The following SAMD5 variants were observed in gnomAD, a reference collection of about 807,000 sequenced individuals.
SAMD5 encodes the protein sterile alpha motif domain containing 5, also known as sterile alpha motif domain-containing protein 5.
In SAMD5, 13 loss-of-function variants were observed where a neutral mutation model predicts 11.3. The ratio of observed to expected loss-of-function variants is 1.15; its 90% CI spans 0.75 to 1.83. The LOEUF is 1.83. Ranked by LOEUF, SAMD5 falls within the 40% of genes most tolerant of loss-of-function variation. SAMD5 has a pLI of 0.00. For missense variants in SAMD5, 255 were observed against 239.1 expected, an observed-to-expected ratio of 1.07 and a Z score of -0.44; for synonymous variants, 129 against 111.3, an observed-to-expected ratio of 1.16 and a Z score of -1.00.
the SAMD5 span, among the ~76,000 whole-genome samples, chr6:147,840,068 T>C: frequency 5.4e-4 from 83 of 152,362 alleles, 1 homozygote; most frequent in South Asian, 1.9e-3. Flanking sequence ...ATGTTCCTTT[T>C]CATGATGAGC....
At chr6:147,851,228 G>T in the SAMD5 span, among the ~76,000 whole-genome samples, 1 of 152,192 alleles carries the variant, frequency 6.6e-6, no homozygotes, top group Admixed American at 6.5e-5. Context: ...ACAGGCGTGA[G>T]CCACTGCGCC....
the SAMD5 span, among the ~76,000 whole-genome samples, chr6:147,875,666 C>A: frequency 6.6e-6 from 1 of 152,036 alleles, no homozygotes; most frequent in East Asian, 1.9e-4. Flanking sequence ...CTCGCAAAAC[C>A]GCCTGAGCTC....
intron 1 of SAMD5, among the ~76,000 whole-genome samples, chr6:147,538,570 C>A (rs574490371): frequency 6.6e-6 from 1 of 152,132 alleles, no homozygotes; most frequent in African/African-American, 2.4e-5. Context: ...GATCCTAGGA[C>A]GTCAGACAGA....
chr6:147,604,530 G>T (rs371848165), intron 1 of SAMD5, among the ~76,000 whole-genome samples: 2 of 152,146 alleles, frequency 1.3e-5, no homozygotes, highest in South Asian at 2.1e-4. Flanking sequence ...TTTGAAACAC[G>T]TGAGCCCATG....
intron 1 of SAMD5, among the ~76,000 whole-genome samples, chr6:147,549,168 A>T (rs995256105): frequency 6.6e-6 from 1 of 152,234 alleles, no homozygotes. Flanking sequence ...CTGAAGCAGA[A>T]CTGGCCCATC....
the SAMD5 span, among the ~76,000 whole-genome samples, chr6:147,877,726 G>C: frequency 6.6e-6 from 1 of 151,900 alleles, no homozygotes; most frequent in Admixed American, 6.6e-5. Context: ...TGTGCAAGAA[G>C]AAAGGAATTC....
In SAMD5 at chr6:147,509,209, G is replaced by T; in HGVS notation, c.281G>T (p.Arg94Leu). The change falls in exon 1 of 2, where the codon CGC becomes CTC. Residue 94 changes from arginine (R) to leucine (L), a missense_variant. Physicochemically the swap from Arg to Leu is moderately radical, Grantham distance 102. Coordinates refer to ENST00000367474, the MANE Select transcript of SAMD5 (RefSeq NM_001030060.3). The stretch of plus-strand genomic sequence containing the variant: ...CCCGCCGACGCCGTCCCCACCGGCC[G>T]CCGGGGGGAGCCGTGCGGCGGCCCG... The part of the protein sequence containing the change: ...GPPADAVPTG[R>L]RGEPCGGPAQ... The T allele has an allele frequency of 1.5e-6, 2 of 1,303,890 alleles. No homozygotes were observed. Among genetic ancestry groups the T allele is most frequent in the Non-Finnish European group, 1.9e-6 (2 of 1,026,464 alleles). 80.8% of individuals were successfully genotyped at this position (1,303,890 alleles called of 1,614,324 possible). A position where few individuals can be genotyped will look rare whatever the true frequency, so the allele number is the denominator to read the frequency against.
At chr6:147,685,711 C>G (rs1791000832) in intron 1 of SAMD5, among the ~76,000 whole-genome samples, 2 of 152,034 alleles carry the variant, frequency 1.3e-5, no homozygotes, top group East Asian at 3.9e-4. Context: ...GCTTTTTTCT[C>G]TCTTCTTTTT....
At chr6:147,766,120 A>G in the SAMD5 span, among the ~76,000 whole-genome samples, 5 of 151,864 alleles carry the variant, frequency 3.3e-5, no homozygotes, top group Admixed American at 2.6e-4. Context: ...AAAAAACACA[A>G]AAAAAGAATT....
chr6:147,565,740 G>A lies in SAMD5; in HGVS notation c.*1284G>A, dbSNP rs1018981050. 8 of 984,198 alleles carry A rather than the reference G, an allele frequency of 8.1e-6. No individual in the cohort carries two copies. Among genetic ancestry groups the A allele is most frequent in the African/African-American group, 1.7e-5 (1 of 57,182 alleles). The allele number at this position is 984,198 out of a possible 1,614,324, so 61.0% of individuals were successfully genotyped here. ...CTCCAGTAGCGCTGGGATTACAGGCGTGAGCCATCACACCCGGCCTGGATG... is the reference window on the plus strand; with the variant it reads ...CTCCAGTAGCGCTGGGATTACAGGCATGAGCCATCACACCCGGCCTGGATG... On this transcript the variant is annotated 3_prime_UTR_variant, in exon 2 of 2. Coordinates refer to ENST00000367474, the MANE Select transcript of SAMD5 (RefSeq NM_001030060.3).
chr6:147,620,886 A>C (rs1243625964), intron 1 of SAMD5, among the ~76,000 whole-genome samples: 1 of 152,120 alleles, frequency 6.6e-6, no homozygotes, highest in East Asian at 1.9e-4. Context: ...AGACAAAGTT[A>C]GAAGAAAGAA....
intron 1 of SAMD5, among the ~76,000 whole-genome samples, chr6:147,736,305 A>C (rs1173089569): frequency 6.6e-6 from 1 of 152,232 alleles, no homozygotes; most frequent in Non-Finnish European, 1.5e-5. Context: ...TGCTGTAATT[A>C]GTAGTATAAT....
At chr6:147,667,215 T>C (rs2128455093) in intron 1 of SAMD5, among the ~76,000 whole-genome samples, 1 of 152,350 alleles carries the variant, frequency 6.6e-6, no homozygotes, top group East Asian at 1.9e-4. Context: ...CTTGTTTTCC[T>C]ACAGTTTATT....
the SAMD5 span, among the ~76,000 whole-genome samples, chr6:147,840,534 T>G: frequency 6.6e-6 from 1 of 152,184 alleles, no homozygotes; most frequent in Admixed American, 6.5e-5. Context: ...AAGAAAGAAC[T>G]CAACAGGAAG....
At chr6:147,533,449 C>T (rs1354244447) in intron 1 of SAMD5, among the ~76,000 whole-genome samples, 3 of 123,106 alleles carry the variant, frequency 2.4e-5, no homozygotes, top group Admixed American at 2.0e-4. Context: ...GCAACAAGAG[C>T]GAAATTCCAT....
chr6:147,728,861 C>T (rs1234391095), intron 1 of SAMD5, among the ~76,000 whole-genome samples: 1 of 151,214 alleles, frequency 6.6e-6, no homozygotes, highest in East Asian at 1.9e-4. Context: ...ACTCTTTATG[C>T]AGTTCTGTGT....
the SAMD5 span, among the ~76,000 whole-genome samples, chr6:147,898,457 G>C: frequency 3.3e-5 from 5 of 152,164 alleles, no homozygotes; most frequent in African/African-American, 9.7e-5. Flanking sequence ...GGTTTTCCCT[G>C]AAGTGCCTGG....
chr6:147,678,923 G>A (rs73010171), intron 1 of SAMD5, among the ~76,000 whole-genome samples: 17,491 of 151,924 alleles, frequency 0.12, 1,086 homozygotes, highest in Middle Eastern at 0.16. Flanking sequence ...CATATCCATC[G>A]TCTCCAAAAG....
the SAMD5 span, among the ~76,000 whole-genome samples, chr6:147,798,659 A>G: frequency 6.6e-6 from 1 of 151,994 alleles, no homozygotes; most frequent in Non-Finnish European, 1.5e-5. Flanking sequence ...TCTAATGTTG[A>G]CAGTGGGGTG....
Sources: gnomAD v4.1 joint callset for allele counts (sites outside exome capture counted in the v4.1 genomes callset) on GRCh38, gnomAD v4.1.1 for gene constraint, MANE v1.5 for transcripts, NCBI Gene and HGNC (gene_info 2026-07-23, HGNC 2026-07-21) for gene names.